The following PCDH7 variants were observed in gnomAD, a reference collection of about 807,000 sequenced individuals.
PCDH7 encodes protocadherin-7.
PCDH7 carries 17 observed loss-of-function variants against 58.9 expected under a neutral mutation model. That is an observed-to-expected ratio of 0.29 (90% confidence interval 0.20 to 0.43). PCDH7 has a LOEUF of 0.43. PCDH7 is among the 20% of genes least tolerant of loss of function. PCDH7 has a pLI of 1.00. For missense variants in PCDH7, 1,274 were observed against 1,441.0 expected, an observed-to-expected ratio of 0.88 and a Z score of 1.88; for synonymous variants, 664 against 616.4, an observed-to-expected ratio of 1.08 and a Z score of -1.14.
chr4:30,883,315 T>C (rs1737251141), intron 1 of PCDH7, among the ~76,000 whole-genome samples: 1 of 152,208 alleles, frequency 6.6e-6, no homozygotes, highest in Non-Finnish European at 1.5e-5. Context: ...ATTCTCCCAG[T>C]ACTTACTGAG....
At chr4:30,824,517 AGT>A (rs1236186967) in intron 1 of PCDH7, among the ~76,000 whole-genome samples, 1 of 152,106 alleles carries the variant, frequency 6.6e-6, no homozygotes, top group Non-Finnish European at 1.5e-5. Context: ...AATCACAACT[AGT>A]TGATAGAGAT....
At chr4:30,785,320 A>C (rs1036767045) in intron 1 of PCDH7, among the ~76,000 whole-genome samples, 14 of 152,158 alleles carry the variant, frequency 9.2e-5, no homozygotes, top group Admixed American at 8.5e-4. Flanking sequence ...TTTTAGAATT[A>C]AATGTGCAGT....
At position 30,720,482 on chromosome 4, in the gene PCDH7, A is replaced by C. The variant is rs1239114866; in HGVS notation, c.-941A>C. 6.5e-6 allele frequency: 1 copy of C among 152,732 alleles called. No homozygotes were observed. Among genetic ancestry groups the C allele is most frequent in the Non-Finnish European group, 1.5e-5 (1 of 68,090 alleles). The allele number at this position is 152,732 out of a possible 1,614,324, so 9.5% of individuals were successfully genotyped here. A position where few individuals can be genotyped will look rare whatever the true frequency, so the allele number is the denominator to read the frequency against. ...CAAACTTGGGCACCGCACGGTGCGC[A>C]CTGCTCAGCCTTCGCCCCCGTGGGC... On this transcript the variant is annotated 5_prime_UTR_variant, in exon 1 of 2. Transcript: ENST00000361762. The surrounding 1 kb of genome is among the most constrained non-coding windows in gnomAD (Gnocchi z 4.7).
rs184661248 is a variant in PCDH7 at position 30,797,426 on chromosome 4, C to G, written c.70+72830C>G. Among the ~76,000 whole-genome samples, 5 of 152,152 alleles carry G rather than the reference C, an allele frequency of 3.3e-5. No individual in the cohort carries two copies. In the East Asian group the frequency reaches 9.7e-4, roughly 30 times the overall value. On this transcript the variant is annotated intron_variant, in intron 1 of 3. Transcript: ENST00000509759. The stretch of plus-strand genomic sequence containing the variant: ...TAGCTGGGACTACAGGCGCCCGCCA[C>G]CACGCCCGGCTAATTTTTTTTGTAG...
At chr4:30,895,176 C>T (rs1739250815) in intron 1 of PCDH7, among the ~76,000 whole-genome samples, 1 of 150,560 alleles carries the variant, frequency 6.6e-6, no homozygotes, top group Non-Finnish European at 1.5e-5. Context: ...CAGTTTTGTT[C>T]CCATAGCAGT....
intron 1 of PCDH7, among the ~76,000 whole-genome samples, chr4:30,751,758 T>G (rs956523521): frequency 1.9e-4 from 29 of 152,296 alleles, no homozygotes; most frequent in Middle Eastern, 3.4e-3. Flanking sequence ...GACAATTTTA[T>G]TTTGAAGGAA....
At chr4:31,111,129 A>G (rs1199333773) in intron 3 of PCDH7, among the ~76,000 whole-genome samples, 1 of 152,130 alleles carries the variant, frequency 6.6e-6, no homozygotes, top group Non-Finnish European at 1.5e-5. Flanking sequence ...AATGTACAAT[A>G]TATGGTTCAT....
intron 1 of PCDH7, among the ~76,000 whole-genome samples, chr4:30,729,442 T>C (rs1462174289): frequency 1.3e-5 from 2 of 151,394 alleles, no homozygotes; most frequent in Non-Finnish European, 2.9e-5. Context: ...AAGAAGTTAA[T>C]AATTCTTTTC....
chr4:31,103,959 C>T (rs955822125), intron 3 of PCDH7, among the ~76,000 whole-genome samples: 6 of 152,172 alleles, frequency 3.9e-5, no homozygotes, highest in African/African-American at 1.4e-4. Flanking sequence ...GATACGGTTT[C>T]ATGCCTCCAT....
chr4:30,810,625 T>A (rs1726872116), intron 1 of PCDH7, among the ~76,000 whole-genome samples: 1 of 151,762 alleles, frequency 6.6e-6, no homozygotes, highest in Non-Finnish European at 1.5e-5. Flanking sequence ...TCTTTTTTTT[T>A]TTTTGAGAGG....
chr4:30,997,358 G>A (rs1751990169), intron 3 of PCDH7, among the ~76,000 whole-genome samples: 1 of 152,124 alleles, frequency 6.6e-6, no homozygotes, highest in Non-Finnish European at 1.5e-5. Context: ...TCAACCTCCA[G>A]TTGGATGTTA....
chr4:30,986,493 G>A (rs550206972), intron 3 of PCDH7, among the ~76,000 whole-genome samples: 1 of 151,966 alleles, frequency 6.6e-6, no homozygotes, highest in South Asian at 2.1e-4. Flanking sequence ...AGATATTGTA[G>A]CAAATCTGAA....
At chr4:31,049,987 G>A (rs1170545701) in intron 3 of PCDH7, among the ~76,000 whole-genome samples, 2 of 152,068 alleles carry the variant, frequency 1.3e-5, no homozygotes, top group African/African-American at 4.8e-5. Flanking sequence ...TAAAAATAGG[G>A]GAAGTGGATT....
At chr4:30,946,281 G>T (rs879018145) in intron 2 of PCDH7, among the ~76,000 whole-genome samples, 1 of 152,122 alleles carries the variant, frequency 6.6e-6, no homozygotes. Flanking sequence ...GTTTAATAAC[G>T]TAAGCAGAGA....
intron 3 of PCDH7, among the ~76,000 whole-genome samples, chr4:31,118,021 T>C (rs915539552): frequency 2.0e-5 from 3 of 152,212 alleles, no homozygotes; most frequent in Admixed American, 6.5e-5. Context: ...GTTACTTCTA[T>C]ACGTATTCCC....
chr4:30,790,975 T>C (rs778149379), intron 1 of PCDH7, among the ~76,000 whole-genome samples: 1 of 151,982 alleles, frequency 6.6e-6, no homozygotes, highest in Non-Finnish European at 1.5e-5. Flanking sequence ...AATAAATACA[T>C]GCTGTAGACA....
At chr4:30,724,181 A>G in exon 1 of PCDH7, 1 of 1,614,090 alleles carries the variant, frequency 6.2e-7, no homozygotes, top group East Asian at 2.2e-5. Flanking sequence ...AAAGATCACG[A>G]AGACTTTTTT....
At chr4:31,094,419 A>G (rs1713676089) in intron 3 of PCDH7, among the ~76,000 whole-genome samples, 2 of 152,190 alleles carry the variant, frequency 1.3e-5, no homozygotes, top group Non-Finnish European at 2.9e-5. Flanking sequence ...CAAATCCGTG[A>G]AAGGCTGCAA....
chr4:31,061,814 C>T (rs561326940), intron 3 of PCDH7, among the ~76,000 whole-genome samples: 2 of 151,696 alleles, frequency 1.3e-5, no homozygotes. Flanking sequence ...TTTGACTGAG[C>T]TGACCTTTGC....
Sources: allele counts gnomAD v4.1 joint callset (sites outside exome capture counted in the v4.1 genomes callset), GRCh38; gene constraint gnomAD v4.1.1; non-coding constraint Gnocchi (gnomAD v3.1); transcripts MANE v1.5; gene names NCBI Gene and HGNC (gene_info 2026-07-23, HGNC 2026-07-21).